Variants in PARD3B observed in about 807,000 individuals in gnomAD.
The protein encoded by PARD3B is par-3 family cell polarity regulator beta, also known as partitioning defective 3 homolog B.
In PARD3B, 103 loss-of-function variants were observed where a neutral mutation model predicts 130.2. That is an observed-to-expected ratio of 0.79 (90% CI 0.67 to 0.93). The LOEUF (loss-of-function observed/expected upper bound fraction) is 0.93. Among genes scored for constraint, PARD3B ranks in the 40% least tolerant of loss-of-function variants. The probability of loss-of-function intolerance (pLI) is 0.00; values close to 1 mark genes in which losing one functional copy is unlikely to be tolerated. For synonymous variants in PARD3B, 583 were observed against 553.2 expected, an observed-to-expected ratio of 1.05 and a Z score of -0.76; for missense variants, 1,609 against 1,499.2, an observed-to-expected ratio of 1.07 and a Z score of -1.21.
Position 205,245,758 on chromosome 2 carries a change from CTT to C in PARD3B, c.2141-17_2141-16del. ...TTACAAGCCGGTCTGATCCTTGTCT[CTT>C]TTATTTCTTCTCCTCAGTGCCAGAT... On this transcript the variant is annotated intron_variant, in intron 15 of 22. Transcript: ENST00000406610. 3.2e-6 allele frequency: 5 copies of C among 1,577,880 alleles called. No individual in the cohort carries two copies. The highest frequency in any genetic ancestry group is 4.3e-6 in the Non-Finnish European group (5 of 1,150,146).
intron 18 of PARD3B, among the ~76,000 whole-genome samples, chr2:205,330,544 CTG>C (rs2043086165): frequency 1.3e-5 from 2 of 152,140 alleles, no homozygotes; most frequent in Non-Finnish European, 2.9e-5. Context: ...GAAGCCCATC[CTG>C]TGTGTTTTCA....
chr2:204,669,182 T>TA lies in PARD3B; in HGVS notation c.121-16998dup, dbSNP rs1275007233. 6.6e-6 allele frequency among the ~76,000 whole-genome samples: 1 copy of TA among 152,174 alleles called. No individual in the cohort carries two copies. Among genetic ancestry groups the TA allele is most frequent in the East Asian group, 1.9e-4 (1 of 5,196 alleles). On this transcript the variant is annotated intron_variant, in intron 1 of 22. Coordinates refer to ENST00000406610, the MANE Select transcript of PARD3B (RefSeq NM_001302769.2). The surrounding 1 kb of genome is among the most constrained non-coding windows in gnomAD (Gnocchi z 4.3). ...TGTAACCGGAGAAATAGGAAACCAGTAGAACCCTTCTTTATTTCAGTTTGG... is the reference window on the plus strand; with the variant it reads ...TGTAACCGGAGAAATAGGAAACCAGTAAGAACCCTTCTTTATTTCAGTTTGG...
chr2:205,233,546 ATATAT>A (rs2038934933), intron 15 of PARD3B, among the ~76,000 whole-genome samples: 1 of 152,142 alleles, frequency 6.6e-6, no homozygotes, highest in African/African-American at 2.4e-5. Context: ...ACATATAAAA[ATATAT>A]TATTTTTATA....
chr2:205,275,446 T>C (rs1268807856), intron 16 of PARD3B, among the ~76,000 whole-genome samples: 3 of 152,158 alleles, frequency 2.0e-5, no homozygotes, highest in African/African-American at 7.2e-5. Flanking sequence ...CCAAAAGAGT[T>C]GATAATGACT....
At chr2:204,814,709 TC>T (rs938167356) in intron 2 of PARD3B, among the ~76,000 whole-genome samples, 2 of 151,890 alleles carry the variant, frequency 1.3e-5, no homozygotes, top group African/African-American at 2.4e-5. Context: ...TTTTCATGGA[TC>T]CCTTTTTCCA....
In PARD3B at chr2:205,440,933, T is replaced by C. The variant is rs745495; in HGVS notation, c.3044+261T>C. Among the ~76,000 whole-genome samples the C allele has an allele frequency of 2.2e-4, 33 of 152,226 alleles. No individual in the cohort carries two copies. Among genetic ancestry groups the C allele is most frequent in the African/African-American group, 8.0e-4 (33 of 41,454 alleles). On this transcript the variant is annotated intron_variant, in intron 20 of 22. Transcript: ENST00000406610. The surrounding 1 kb of genome is among the most constrained non-coding windows in gnomAD (Gnocchi z 4.2). ...GGGAGCCATTTTTGAAGGAGTATTG[T>C]GACAGACATCTCATGAAGAAAACTT... is the stretch of plus-strand genomic sequence containing the variant.
intron 18 of PARD3B, among the ~76,000 whole-genome samples, chr2:205,336,738 A>G (rs1260465035): frequency 6.6e-6 from 1 of 152,232 alleles, no homozygotes; most frequent in Non-Finnish European, 1.5e-5. Context: ...ATTATGTTAC[A>G]GTGCACAGTA....
chr2:204,964,372 T>C (rs1039358469), intron 2 of PARD3B, among the ~76,000 whole-genome samples: 50 of 152,208 alleles, frequency 3.3e-4, no homozygotes, highest in Admixed American at 2.0e-4. Flanking sequence ...TAAAGATACC[T>C]TGCCCTTATT....
chr2:204,848,270 G>T (rs902762337), intron 2 of PARD3B, among the ~76,000 whole-genome samples: 1 of 152,122 alleles, frequency 6.6e-6, no homozygotes, highest in Admixed American at 6.6e-5. Flanking sequence ...CATATCCCCT[G>T]TGGATAAGGA....
In PARD3B at chr2:205,405,796, A is replaced by G. The variant is rs73065021; in HGVS notation, c.2741+4673A>G. Among the ~76,000 whole-genome samples, 5,217 of 152,286 alleles carry G rather than the reference A, an allele frequency of 0.034. 292 individuals are homozygous for G. The highest frequency in any genetic ancestry group is 0.12 in the African/African-American group (4,901 of 41,532). On this transcript the variant is annotated intron_variant, in intron 19 of 22. Coordinates refer to ENST00000406610, the MANE Select transcript of PARD3B (RefSeq NM_001302769.2). The surrounding 1 kb of genome is among the most constrained non-coding windows in gnomAD (Gnocchi z 4.1). Reference sequence around the variant, plus strand: ...AATGGAAATAAATGTAAAGTCTTGCATTTAGGTCCAAAAATGAACTACACA... The same window carrying G: ...AATGGAAATAAATGTAAAGTCTTGCGTTTAGGTCCAAAAATGAACTACACA...
intron 2 of PARD3B, among the ~76,000 whole-genome samples, chr2:204,859,874 C>A (rs1228651506): frequency 6.6e-6 from 1 of 152,144 alleles, no homozygotes; most frequent in Non-Finnish European, 1.5e-5. Context: ...TTAGGCTTAA[C>A]CTTGTTAAGG....
chr2:204,798,862 A>G (rs189338803), intron 2 of PARD3B, among the ~76,000 whole-genome samples: 15 of 152,230 alleles, frequency 9.9e-5, no homozygotes, highest in Admixed American at 9.8e-4. Flanking sequence ...TTGGTCCTTG[A>G]ATAAATGTCA....
chr2:205,290,254 T>C (rs2041555879), intron 16 of PARD3B, among the ~76,000 whole-genome samples: 1 of 152,216 alleles, frequency 6.6e-6, no homozygotes, highest in South Asian at 2.1e-4. Context: ...CTCCTATACA[T>C]TCTCTGGTGT....
At chr2:204,681,656 CT>C (rs1240889206) in intron 1 of PARD3B, among the ~76,000 whole-genome samples, 1 of 152,108 alleles carries the variant, frequency 6.6e-6, no homozygotes, top group African/African-American at 2.4e-5. Flanking sequence ...TTCCAAAACT[CT>C]TGTTTTTCCC....
intron 3 of PARD3B, among the ~76,000 whole-genome samples, chr2:204,987,115 CT>C (rs1195802321): frequency 6.6e-6 from 1 of 152,012 alleles, no homozygotes; most frequent in Non-Finnish European, 1.5e-5. Context: ...CCAAAGGTGC[CT>C]TTCCTCACAA....
chr2:205,080,433 C>A (rs1222392504), intron 4 of PARD3B, among the ~76,000 whole-genome samples: 1 of 152,006 alleles, frequency 6.6e-6, no homozygotes, highest in African/African-American at 2.4e-5. Flanking sequence ...TTTACCCACC[C>A]TGGCCAATAT....
At chr2:204,953,908 G>GC (rs139483595) in intron 2 of PARD3B, among the ~76,000 whole-genome samples, 5,675 of 152,156 alleles carry the variant, frequency 0.037, 170 homozygotes, top group African/African-American at 0.077. Context: ...AAACTAACTC[G>GC]CAAAGACTGT....
intron 14 of PARD3B, among the ~76,000 whole-genome samples, chr2:205,189,300 C>T (rs151018683): frequency 2.0e-5 from 3 of 152,292 alleles, no homozygotes; most frequent in Non-Finnish European, 4.4e-5. Context: ...CACCTTTTCA[C>T]CTCAGACAGT....
At chr2:204,848,602 C>G (rs1025453252) in intron 2 of PARD3B, among the ~76,000 whole-genome samples, 1 of 151,622 alleles carries the variant, frequency 6.6e-6, no homozygotes, top group African/African-American at 2.4e-5. Context: ...TATGATTGTG[C>G]CATTGCACAC....
Sources: allele counts gnomAD v4.1 joint callset (sites outside exome capture counted in the v4.1 genomes callset), GRCh38; gene constraint gnomAD v4.1.1; non-coding constraint Gnocchi (gnomAD v3.1); transcripts MANE v1.5; gene names NCBI Gene and HGNC (gene_info 2026-07-23, HGNC 2026-07-21).